Variants in ABLIM1 observed in about 807,000 individuals in gnomAD.
ABLIM1 encodes actin binding LIM protein 1, also known as actin-binding LIM protein 1.
Under a neutral mutation model 107.0 loss-of-function variants are expected in ABLIM1, and 40 were observed. That is an observed-to-expected ratio of 0.37 (90% confidence interval 0.29 to 0.49). The LOEUF is 0.49. ABLIM1 is among the 20% of genes least tolerant of loss of function. The pLI is 0.97. For synonymous variants in ABLIM1, 357 were observed against 357.3 expected, an observed-to-expected ratio of 1.00 and a Z score of 0.01; for missense variants, 857 against 1,008.5, an observed-to-expected ratio of 0.85 and a Z score of 2.04.
At chr10:114,646,617 G>A (rs2079022267) in intron 1 of ABLIM1, among the ~76,000 whole-genome samples, 1 of 152,186 alleles carries the variant, frequency 6.6e-6, no homozygotes, top group East Asian at 1.9e-4. Flanking sequence ...AGATTCAAAG[G>A]AAGGAATGCT....
chr10:114,765,480 AT>A (rs1272723788), intron 1 of ABLIM1, among the ~76,000 whole-genome samples: 10 of 152,210 alleles, frequency 6.6e-5, no homozygotes, highest in African/African-American at 2.4e-4. Context: ...AGGACTTCCT[AT>A]TGATAAGTTA....
At chr10:114,784,665 C>CAAAAAAAAAAAAAAAA in the ABLIM1 span, among the ~76,000 whole-genome samples, 1 of 87,996 alleles carries the variant, frequency 1.1e-5, no homozygotes, top group Admixed American at 1.5e-4. Flanking sequence ...AGACTCACCT[C>CAAAAAAAAAAAAAAAA]AAAAAAAAAA....
chr10:114,638,898 G>A (rs1046719597), intron 1 of ABLIM1, among the ~76,000 whole-genome samples: 1 of 152,162 alleles, frequency 6.6e-6, no homozygotes, highest in Admixed American at 6.5e-5. Context: ...GGAAGATAAT[G>A]TACCCAGACC....
upstream of ABLIM1, among the ~76,000 whole-genome samples, chr10:114,770,162 G>T (rs1191904394): frequency 1.3e-5 from 2 of 152,072 alleles, no homozygotes; most frequent in African/African-American, 4.8e-5. Flanking sequence ...TTATTAGTGG[G>T]TCCTCACTGA....
intron 1 of ABLIM1, among the ~76,000 whole-genome samples, chr10:114,730,144 T>C (rs1566281429): frequency 6.6e-6 from 1 of 152,152 alleles, no homozygotes; most frequent in Non-Finnish European, 1.5e-5. Flanking sequence ...ACGCCTGTGA[T>C]CCCTGCACTT....
intron 6 of ABLIM1, among the ~76,000 whole-genome samples, chr10:114,493,018 G>C (rs954095098): frequency 3.9e-5 from 6 of 152,186 alleles, no homozygotes; most frequent in Non-Finnish European, 5.9e-5. Context: ...GAAAATTCCA[G>C]AAGTGGTGCT....
chr10:114,768,005 C>G, intron 1 of ABLIM1: 1 of 424,320 alleles, frequency 2.4e-6, no homozygotes, highest in Admixed American at 2.5e-5. Flanking sequence ...CCCGCCCTCC[C>G]GCACCTGTTC....
chr10:114,780,822 C>A, the ABLIM1 span, among the ~76,000 whole-genome samples: 1 of 152,152 alleles, frequency 6.6e-6, no homozygotes, highest in Non-Finnish European at 1.5e-5. Context: ...GCCCTTACCC[C>A]TGAAAGACCA....
At chr10:114,789,468 C>G in the ABLIM1 span, among the ~76,000 whole-genome samples, 1 of 152,132 alleles carries the variant, frequency 6.6e-6, no homozygotes, top group South Asian at 2.1e-4. Flanking sequence ...TTTTTTATAA[C>G]TTTTACTTTA....
intron 2 of ABLIM1, among the ~76,000 whole-genome samples, chr10:114,591,603 A>C (rs535709498): frequency 6.6e-6 from 1 of 152,304 alleles, no homozygotes; most frequent in African/African-American, 2.4e-5. Context: ...GTGTGAAAAA[A>C]TGCTGCGTCT....
intron 2 of ABLIM1, among the ~76,000 whole-genome samples, chr10:114,586,278 T>G (rs1327432805): frequency 6.6e-6 from 1 of 152,198 alleles, no homozygotes; most frequent in African/African-American, 2.4e-5. Flanking sequence ...ACATGTGCTG[T>G]GTATAGCGCT....
chr10:114,446,052 G>T (rs1397999803), intron 15 of ABLIM1, among the ~76,000 whole-genome samples: 1 of 152,210 alleles, frequency 6.6e-6, no homozygotes, highest in Non-Finnish European at 1.5e-5. Context: ...GATTACAGGC[G>T]TGAGCCACCA....
intron 12 of ABLIM1, among the ~76,000 whole-genome samples, chr10:114,455,864 G>C (rs191750849): frequency 0.011 from 1,608 of 150,548 alleles, 25 homozygotes; most frequent in African/African-American, 0.037. Context: ...CCAGGCTGGA[G>C]TGCAGTGGCG....
chr10:114,650,671 C>T (rs60050182), intron 1 of ABLIM1, among the ~76,000 whole-genome samples: 3,620 of 151,960 alleles, frequency 0.024, 130 homozygotes, highest in African/African-American at 0.083. Context: ...TTTTTCTTTC[C>T]ACTCTCAGAT....
upstream of ABLIM1, among the ~76,000 whole-genome samples, chr10:114,773,026 T>C (rs959880814): frequency 6.6e-6 from 1 of 152,094 alleles, no homozygotes; most frequent in Non-Finnish European, 1.5e-5. Context: ...CCACTAGAAA[T>C]ACAGCTCCAA....
chr10:114,463,865 A>G (rs77600150), intron 12 of ABLIM1, among the ~76,000 whole-genome samples: 1,865 of 152,294 alleles, frequency 0.012, 32 homozygotes, highest in African/African-American at 0.042. Flanking sequence ...CTCCAGCTTC[A>G]CTTTGGAAGG....
chr10:114,639,962 A>G (rs1484646698), intron 1 of ABLIM1, among the ~76,000 whole-genome samples: 2 of 152,220 alleles, frequency 1.3e-5, no homozygotes, highest in Non-Finnish European at 2.9e-5. Flanking sequence ...TAACTGAGTC[A>G]CATTCCACTC....
intron 6 of ABLIM1, among the ~76,000 whole-genome samples, chr10:114,493,797 G>A (rs574331149): frequency 4.6e-4 from 70 of 152,290 alleles, no homozygotes; most frequent in Non-Finnish European, 8.8e-4. Context: ...TCTAGATGGA[G>A]AAACTAAATA....
At chr10:114,642,982 G>A (rs1291557315) in intron 1 of ABLIM1, among the ~76,000 whole-genome samples, 2 of 152,134 alleles carry the variant, frequency 1.3e-5, no homozygotes, top group Admixed American at 6.6e-5. Context: ...CCAAAACGTC[G>A]TTCAGAGATA....
Sources: allele counts gnomAD v4.1 joint callset (sites outside exome capture counted in the v4.1 genomes callset), GRCh38; gene constraint gnomAD v4.1.1; transcripts MANE v1.5; gene names NCBI Gene and HGNC (gene_info 2026-07-23, HGNC 2026-07-21).